SNAP47: variants seen among roughly 807,000 people sequenced by gnomAD.
SNAP47 encodes synaptosomal-associated protein 47.
In SNAP47, 20 loss-of-function variants were observed where a neutral mutation model predicts 31.4. The observed-to-expected ratio is 0.64, with a 90% CI of 0.45 to 0.93. SNAP47 has a LOEUF of 0.93. Ranked by LOEUF, SNAP47 falls within the 40% of genes least tolerant of loss-of-function variation. The pLI is 0.00. For synonymous variants in SNAP47, 194 were observed against 213.4 expected, an observed-to-expected ratio of 0.91 and a Z score of 0.79; for missense variants, 492 against 528.5, an observed-to-expected ratio of 0.93 and a Z score of 0.68.
chr1:227,734,046 G>A (rs747301767), upstream of SNAP47: 10 of 1,610,360 alleles, frequency 6.2e-6, no homozygotes, highest in Middle Eastern at 1.7e-4. Flanking sequence ...TGAGGAGGGC[G>A]CAAGGGCACC....
intron 2 of SNAP47, among the ~76,000 whole-genome samples, chr1:227,748,769 A>G (rs1199199866): frequency 2.0e-5 from 3 of 152,166 alleles, no homozygotes; most frequent in Non-Finnish European, 4.4e-5. Context: ...TGTCTTGGTG[A>G]CAGTCTCTGT....
intron 4 of SNAP47, chr1:227,775,722 A>G: frequency 7.8e-7 from 1 of 1,287,960 alleles, no homozygotes; most frequent in Non-Finnish European, 1.0e-6. Context: ...TTCTATATTT[A>G]TTTTTTGCCT....
intron 1 of SNAP47, among the ~76,000 whole-genome samples, chr1:227,745,562 C>T (rs985798682): frequency 2.0e-5 from 3 of 152,122 alleles, no homozygotes; most frequent in East Asian, 1.9e-4. Context: ...TACACATCAC[C>T]CAGGGGCTAC....
chr1:227,736,925 T>C (rs1661245748), intron 1 of SNAP47, among the ~76,000 whole-genome samples: 1 of 152,104 alleles, frequency 6.6e-6, no homozygotes, highest in Non-Finnish European at 1.5e-5. Context: ...GTATGTCTCT[T>C]GGAAGGGGTG....
intron 1 of SNAP47, among the ~76,000 whole-genome samples, chr1:227,740,987 T>C (rs1661556300): frequency 6.8e-6 from 1 of 146,764 alleles, no homozygotes; most frequent in Non-Finnish European, 1.5e-5. Flanking sequence ...GGGGTGCCTG[T>C]TAGGGTCAGG....
chr1:227,729,040 G>GC (rs890193136), intron 1 of SNAP47, among the ~76,000 whole-genome samples: 1 of 152,238 alleles, frequency 6.6e-6, no homozygotes, highest in Non-Finnish European at 1.5e-5. Flanking sequence ...AGGGCGTGGG[G>GC]CCCCAGGTGG....
chr1:227,734,439 CA>C (rs371020547), upstream of SNAP47: 578 of 406,000 alleles, frequency 1.4e-3, no homozygotes, highest in South Asian at 2.1e-3. Flanking sequence ...AGATCTCTCT[CA>C]AAAAAAAAGG....
intron 3 of SNAP47, among the ~76,000 whole-genome samples, chr1:227,761,981 G>A (rs576700564): frequency 2.0e-4 from 31 of 152,254 alleles, no homozygotes; most frequent in Admixed American, 1.4e-3. Flanking sequence ...GACTGATGGC[G>A]TCACCCTCCC....
chr1:227,761,833 G>A (rs1439436266), intron 3 of SNAP47, among the ~76,000 whole-genome samples: 5 of 152,160 alleles, frequency 3.3e-5, no homozygotes, highest in African/African-American at 4.8e-5. Flanking sequence ...CCATGTTGCC[G>A]ACCTGGCTGC....
intron 1 of SNAP47, among the ~76,000 whole-genome samples, chr1:227,747,396 AG>A: frequency 6.6e-6 from 1 of 152,220 alleles, no homozygotes; most frequent in South Asian, 2.1e-4. Flanking sequence ...TGCTGGGTGC[AG>A]GGGCACAGAG....
chr1:227,732,433 G>A (rs1304395117), upstream of SNAP47: 1 of 1,613,062 alleles, frequency 6.2e-7, no homozygotes. Context: ...CTCAGCTGCT[G>A]CAGCAGCTCT....
At chr1:227,779,832 A>C (rs1201423892) in intron 4 of SNAP47, among the ~76,000 whole-genome samples, 1 of 152,052 alleles carries the variant, frequency 6.6e-6, no homozygotes, top group Non-Finnish European at 1.5e-5. Flanking sequence ...CTGTGCTAGC[A>C]TTCCTGGGGC....
chr1:227,733,133 C>G, upstream of SNAP47: 1 of 1,245,684 alleles, frequency 8.0e-7, no homozygotes, highest in South Asian at 1.4e-5. Flanking sequence ...CCCTCTGCAG[C>G]CAAGAGGGCC....
upstream of SNAP47, chr1:227,732,461 C>CG (rs1558180993): frequency 6.2e-7 from 1 of 1,613,182 alleles, no homozygotes; most frequent in Non-Finnish European, 8.5e-7. Context: ...GTGGTGAGAA[C>CG]GCGCTGGTGT....
chr1:227,753,468 G>T (rs1438833526), intron 2 of SNAP47, among the ~76,000 whole-genome samples: 1 of 152,146 alleles, frequency 6.6e-6, no homozygotes, highest in Non-Finnish European at 1.5e-5. Context: ...GTCCCCTGTG[G>T]TGCAGAAACC....
chr1:227,776,027 A>G, intron 4 of SNAP47: 4 of 1,202,856 alleles, frequency 3.3e-6, no homozygotes, highest in South Asian at 3.0e-5. Context: ...GACCATGGCC[A>G]TAAGCTGGCA....
At chr1:227,736,450 C>T (rs1661170768) in intron 1 of SNAP47, 2 of 148,226 alleles carry the variant, frequency 1.3e-5, no homozygotes, top group African/African-American at 5.0e-5. Flanking sequence ...TCAGGTGGGA[C>T]CAGTTGGGAT....
chr1:227,772,797 C>A (rs1663905878), intron 4 of SNAP47, among the ~76,000 whole-genome samples: 1 of 152,296 alleles, frequency 6.6e-6, no homozygotes, highest in South Asian at 2.1e-4. Context: ...GTTTTCCCAA[C>A]ACCATCTGGT....
chr1:227,747,687 T>C lies in SNAP47; in HGVS notation c.-45-5T>C, dbSNP rs752678571. On this transcript the variant is annotated splice_region_variant and splice_polypyrimidine_tract_variant and intron_variant, in intron 1 of 4. Transcript: ENST00000617596. ...GGCAGAACGTTACTGTCTCTTCTCCTTCAGAGGCAGAAGAGGCCTGGACCT... is the reference window on the plus strand; with the variant it reads ...GGCAGAACGTTACTGTCTCTTCTCCCTCAGAGGCAGAAGAGGCCTGGACCT... The C allele has an allele frequency of 5.1e-6, 8 of 1,584,112 alleles. No individual in the cohort carries two copies. Among genetic ancestry groups the C allele is most frequent in the African/African-American group, 2.7e-5 (2 of 74,134 alleles).
Sources: allele counts gnomAD v4.1 joint callset (sites outside exome capture counted in the v4.1 genomes callset), GRCh38; gene constraint gnomAD v4.1.1; transcripts MANE v1.5; gene names NCBI Gene and HGNC (gene_info 2026-07-23, HGNC 2026-07-21).